Variants in CCDC171 observed in about 807,000 individuals in gnomAD.
CCDC171 encodes the protein coiled-coil domain-containing protein 171.
Under a neutral mutation model 168.2 loss-of-function variants are expected in CCDC171, and 177 were observed. The observed-to-expected ratio is 1.05, with a 90% CI of 0.93 to 1.19. CCDC171 has a LOEUF of 1.19. CCDC171 is among the 50% of genes most tolerant of loss of function. The probability of loss-of-function intolerance (pLI) is 0.00; values close to 1 mark genes in which losing one functional copy is unlikely to be tolerated. For missense variants in CCDC171, 1,991 were observed against 1,539.0 expected, an observed-to-expected ratio of 1.29 and a Z score of -4.91; for synonymous variants, 687 against 540.8, an observed-to-expected ratio of 1.27 and a Z score of -3.75.
chr9:15,837,244 T>G (rs912272216), intron 21 of CCDC171, among the ~76,000 whole-genome samples: 2 of 152,208 alleles, frequency 1.3e-5, no homozygotes, highest in African/African-American at 4.8e-5. Flanking sequence ...AGAAGCCATA[T>G]TCCTGACATT....
intron 23 of CCDC171, among the ~76,000 whole-genome samples, chr9:15,873,987 AAG>A (rs1239878601): frequency 6.6e-6 from 1 of 152,152 alleles, no homozygotes; most frequent in Non-Finnish European, 1.5e-5. Flanking sequence ...GCAATTCTAG[AAG>A]AGTGAAAAGG....
intron 3 of CCDC171, among the ~76,000 whole-genome samples, chr9:16,001,978 A>G (rs1343370629): frequency 6.6e-6 from 1 of 151,104 alleles, no homozygotes; most frequent in Non-Finnish European, 1.5e-5. Context: ...CTGGGACTAC[A>G]GGCAGGAGCC....
intron 6 of CCDC171, among the ~76,000 whole-genome samples, chr9:15,618,976 T>C (rs1431687272): frequency 1.3e-5 from 2 of 152,104 alleles, no homozygotes; most frequent in African/African-American, 4.8e-5. Flanking sequence ...CTCCCCGCCC[T>C]GTCCAGTGGT....
intron 1 of CCDC171, among the ~76,000 whole-genome samples, chr9:16,058,184 C>A (rs1305543141): frequency 1.3e-5 from 2 of 152,110 alleles, no homozygotes; most frequent in African/African-American, 4.8e-5. Flanking sequence ...TCTCTCCCTC[C>A]CCTTGCTCAG....
At chr9:15,666,449 G>A (rs916926167) in intron 9 of CCDC171, 126 bp downstream of exon 9, 15 of 613,272 alleles carry the variant, frequency 2.4e-5, no homozygotes, top group African/African-American at 2.0e-4. Context: ...ACTGGGGCAA[G>A]TGACTTCATA....
chr9:15,583,367 G>A (rs368805233), intron 4 of CCDC171, among the ~76,000 whole-genome samples: 4 of 142,530 alleles, frequency 2.8e-5, no homozygotes, highest in African/African-American at 5.2e-5. Flanking sequence ...AGCCAAGATC[G>A]CACCACTGCA....
chr9:16,080,096 T>A, the CCDC171 span, among the ~76,000 whole-genome samples: 1 of 152,318 alleles, frequency 6.6e-6, no homozygotes. Context: ...TATTTTCTGC[T>A]CTATAGGATG....
Position 15,778,964 on chromosome 9 carries a change from A to T in CCDC171, c.2899-4A>T. 6.8e-7 allele frequency: 1 copy of T among 1,475,628 alleles called. No individual in the cohort carries two copies. The highest frequency in any genetic ancestry group is 9.0e-7 in the Non-Finnish European group (1 of 1,110,834). The allele number at this position is 1,475,628 out of a possible 1,614,324, so 91.4% of individuals were successfully genotyped here. On this transcript the variant is annotated splice_polypyrimidine_tract_variant and splice_region_variant and intron_variant, in intron 19 of 25. Coordinates refer to ENST00000380701, the MANE Select transcript of CCDC171 (RefSeq NM_173550.4). ...TTTATAAAATTGCTCTTGTTTAACA[A>T]CAGAAAAGCACAGCATCGTTGCAGA... is the stretch of plus-strand genomic sequence containing the variant.
intron 21 of CCDC171, among the ~76,000 whole-genome samples, chr9:15,803,366 T>C (rs1563764648): frequency 6.6e-6 from 1 of 152,100 alleles, no homozygotes; most frequent in Non-Finnish European, 1.5e-5. Context: ...GCCTAGTTTT[T>C]TTTCTAGGGT....
intron 2 of CCDC171, among the ~76,000 whole-genome samples, chr9:15,567,830 T>A (rs965023260): frequency 6.6e-6 from 1 of 151,900 alleles, no homozygotes; most frequent in Admixed American, 6.6e-5. Context: ...ATTTTTTTTA[T>A]TTTTGTAGAG....
At chr9:15,563,919 A>C in intron 1 of CCDC171, 59 bp from the exon 2 acceptor site, 5 of 576,366 alleles carry the variant, frequency 8.7e-6, no homozygotes, top group Non-Finnish European at 1.5e-5. Flanking sequence ...AAAAAACAAG[A>C]AAAATCTCCA....
chr9:15,956,496 G>A (rs553207631), intron 25 of CCDC171, among the ~76,000 whole-genome samples: 1 of 152,112 alleles, frequency 6.6e-6, no homozygotes, highest in Admixed American at 6.6e-5. Context: ...GTAGGTTTCC[G>A]AAGGCAGCGT....
intron 25 of CCDC171, among the ~76,000 whole-genome samples, chr9:15,935,818 A>G (rs1827045247): frequency 6.6e-6 from 1 of 152,108 alleles, no homozygotes; most frequent in African/African-American, 2.4e-5. Context: ...AATTTGATTA[A>G]AATGTTGCCT....
chr9:15,969,491 C>T (rs1417342063), intron 25 of CCDC171, among the ~76,000 whole-genome samples: 1 of 152,166 alleles, frequency 6.6e-6, no homozygotes, highest in African/African-American at 2.4e-5. Context: ...AGTTACCTTT[C>T]TCTAAAACAT....
intron 24 of CCDC171, among the ~76,000 whole-genome samples, chr9:15,918,323 C>G (rs976106685): frequency 6.8e-6 from 1 of 147,818 alleles, no homozygotes; most frequent in Non-Finnish European, 1.5e-5. Flanking sequence ...TGGAAGTAGA[C>G]AAGAAAACGA....
intron 6 of CCDC171, among the ~76,000 whole-genome samples, chr9:15,599,846 T>A (rs2042691796): frequency 6.6e-6 from 1 of 152,174 alleles, no homozygotes; most frequent in South Asian, 2.1e-4. Flanking sequence ...TTTCTTTGTT[T>A]CTTTTTACTC....
chr9:15,724,726 C>G (rs76789932), intron 13 of CCDC171, 50 bp from the exon 14 acceptor site: 1 of 1,264,528 alleles, frequency 7.9e-7, no homozygotes, highest in African/African-American at 1.5e-5. Flanking sequence ...GTCCCCTCAC[C>G]CCTTGTTGGC....
chr9:15,659,241 T>C (rs1384785442), intron 8 of CCDC171, among the ~76,000 whole-genome samples: 1 of 152,234 alleles, frequency 6.6e-6, no homozygotes, highest in Non-Finnish European at 1.5e-5. Context: ...CGGTAGCTTA[T>C]CTTGGATCAG....
At chr9:16,066,052 A>G (rs1833987125), downstream of CCDC171, among the ~76,000 whole-genome samples, 5 of 152,166 alleles carry the variant, frequency 3.3e-5, no homozygotes, top group South Asian at 1.0e-3. Context: ...CTTTCCGTCC[A>G]TCCCACTGTC....
Sources: gnomAD v4.1 joint callset for allele counts (sites outside exome capture counted in the v4.1 genomes callset) on GRCh38, gnomAD v4.1.1 for gene constraint, MANE v1.5 for transcripts, NCBI Gene and HGNC (gene_info 2026-07-23, HGNC 2026-07-21) for gene names.